Variants in ST18 observed in about 807,000 individuals in gnomAD.
ST18 encodes ST18 C2H2C-type zinc finger transcription factor.
Under a neutral mutation model 110.0 loss-of-function variants are expected in ST18, and 50 were observed. That is an observed-to-expected ratio of 0.45 (90% CI 0.36 to 0.58). ST18 has a LOEUF of 0.58. ST18 is among the 20% of genes least tolerant of loss of function. ST18 has a pLI of 0.00. For missense variants in ST18, 1,306 were observed against 1,280.1 expected, an observed-to-expected ratio of 1.02 and a Z score of -0.31; for synonymous variants, 461 against 452.4, an observed-to-expected ratio of 1.02 and a Z score of -0.24.
At chr8:52,188,036 C>T (rs535354583) in intron 8 of ST18, among the ~76,000 whole-genome samples, 13 of 152,016 alleles carry the variant, frequency 8.6e-5, no homozygotes, top group African/African-American at 1.7e-4. Context: ...TCAATAAATA[C>T]GTAATAAGTG....
At position 52,252,088 on chromosome 8, in the gene ST18, C is replaced by T. The variant is rs530639579; in HGVS notation, c.-464-22011G>A. 1.2e-3 allele frequency among the ~76,000 whole-genome samples: 183 copies of T among 152,028 alleles called. 3 individuals carry two copies. The highest frequency in any genetic ancestry group is 2.4e-3 in the Non-Finnish European group (160 of 67,902). On this transcript the variant is annotated intron_variant, in intron 2 of 25. Coordinates refer to ENST00000689386, the MANE Select transcript of ST18 (RefSeq NM_001352837.2). ...CTATTTGCAATGAACTGTTGTCAAC[C>T]TAAAGAGTTATATATTTAATAGCTA...
At chr8:52,405,535 T>C (rs1345246756) in intron 2 of ST18, 1 of 152,210 alleles carries the variant, frequency 6.6e-6, no homozygotes, top group Non-Finnish European at 1.5e-5. Flanking sequence ...TTATTCAAAT[T>C]GATTACTATT....
intron 2 of ST18, among the ~76,000 whole-genome samples, chr8:52,394,450 C>T (rs1840403529): frequency 6.6e-6 from 1 of 152,154 alleles, no homozygotes. Flanking sequence ...TTCCTTAGTC[C>T]TCCTTGTCCC....
At chr8:52,360,048 G>A (rs1482649474) in intron 2 of ST18, among the ~76,000 whole-genome samples, 1 of 152,036 alleles carries the variant, frequency 6.6e-6, no homozygotes, top group African/African-American at 2.4e-5. Flanking sequence ...TATAAAATTA[G>A]TATGAGAAAC....
At chr8:52,290,378 C>T (rs528566981) in intron 2 of ST18, among the ~76,000 whole-genome samples, 1 of 152,292 alleles carries the variant, frequency 6.6e-6, no homozygotes, top group South Asian at 2.1e-4. Context: ...CACTTTAGAC[C>T]TGCTCAGAGG....
At chr8:52,269,709 C>T (rs1364892988) in intron 2 of ST18, among the ~76,000 whole-genome samples, 3 of 152,060 alleles carry the variant, frequency 2.0e-5, no homozygotes, top group Non-Finnish European at 2.9e-5. Flanking sequence ...GGGATTATGT[C>T]GTCAAAATGG....
intron 8 of ST18, among the ~76,000 whole-genome samples, chr8:52,196,763 G>T (rs983051553): frequency 6.6e-6 from 1 of 152,166 alleles, no homozygotes; most frequent in African/African-American, 2.4e-5. Flanking sequence ...ACTAGCTGAG[G>T]TTTCAGGCAG....
chr8:52,355,678 A>C (rs1822389112), intron 2 of ST18, among the ~76,000 whole-genome samples: 1 of 152,206 alleles, frequency 6.6e-6, no homozygotes, highest in Non-Finnish European at 1.5e-5. Context: ...GCAGTAAAAG[A>C]TACCGTGTCA....
In ST18 at chr8:52,302,398, T is replaced by C. The variant is rs185092235; in HGVS notation, c.-464-72321A>G. Among the ~76,000 whole-genome samples, 12 of 152,306 alleles carry C rather than the reference T, an allele frequency of 7.9e-5. No homozygotes were observed. In the East Asian group the frequency reaches 2.3e-3, roughly 29 times the overall value. The stretch of plus-strand genomic sequence containing the variant: ...ATGTAGAAATAAATATAGATTTCAA[T>C]GGTACATGCATGCCTGTATTTATGT... On this transcript the variant is annotated intron_variant, in intron 2 of 25. Coordinates refer to ENST00000689386, the MANE Select transcript of ST18 (RefSeq NM_001352837.2).
intron 23 of ST18, among the ~76,000 whole-genome samples, chr8:52,119,987 C>T (rs1025658486): frequency 1.6e-4 from 25 of 152,164 alleles, no homozygotes; most frequent in Admixed American, 1.6e-3. Context: ...AAATATGAGT[C>T]ATCAGTATGA....
chr8:52,227,587 A>G (rs2089930434), intron 3 of ST18, among the ~76,000 whole-genome samples: 1 of 152,232 alleles, frequency 6.6e-6, no homozygotes, highest in South Asian at 2.1e-4. Context: ...CCATATTTTT[A>G]TATAGTTACA....
intron 11 of ST18, among the ~76,000 whole-genome samples, chr8:52,165,544 G>C (rs1243262004): frequency 6.6e-6 from 1 of 152,206 alleles, no homozygotes; most frequent in Non-Finnish European, 1.5e-5. Flanking sequence ...CTGGGGGATG[G>C]ATGGAGCATG....
At chr8:52,184,586 T>A (rs2071235881) in intron 8 of ST18, among the ~76,000 whole-genome samples, 1 of 152,176 alleles carries the variant, frequency 6.6e-6, no homozygotes, top group African/African-American at 2.4e-5. Flanking sequence ...ACTGGAAGTA[T>A]GTTTAGAAGT....
intron 2 of ST18, among the ~76,000 whole-genome samples, chr8:52,258,174 C>T (rs1326459290): frequency 6.6e-6 from 1 of 152,114 alleles, no homozygotes; most frequent in African/African-American, 2.4e-5. Flanking sequence ...GTCTTGATTA[C>T]TGTAGTTTTG....
chr8:52,295,701 CT>C (rs1275884839), intron 2 of ST18, among the ~76,000 whole-genome samples: 3 of 93,020 alleles, frequency 3.2e-5, no homozygotes, highest in East Asian at 3.5e-4. Flanking sequence ...AAGAGCTTCT[CT>C]TTTTTTCCTT....
chr8:52,357,678 T>TAA (rs1312046867), intron 2 of ST18, among the ~76,000 whole-genome samples: 34 of 8,304 alleles, frequency 4.1e-3, no homozygotes, highest in African/African-American at 0.014. Flanking sequence ...AATCTATAAA[T>TAA]ATATATATAT....
chr8:52,345,481 T>G (rs1298430489), intron 2 of ST18, among the ~76,000 whole-genome samples: 5 of 152,254 alleles, frequency 3.3e-5, no homozygotes. Flanking sequence ...CAGAAGGTTC[T>G]GTTAAGAGGC....
chr8:52,164,074 T>C lies in ST18; in HGVS notation c.1312A>G (p.Ile438Val), dbSNP rs752044595. Residue 438 changes from isoleucine (I) to valine (V), a missense_variant, in exon 13 of 26, where the codon ATT becomes GTT. Physicochemically the swap from Ile to Val is conservative, Grantham distance 29 (BLOSUM62 3). Transcript: ENST00000689386. ...ATTGCCAATTTTTCAGCTGCAGCAA[T>C]TGGACAACCAGAAAGACTGTTTAAA... ...NTHRSLSGCPIAAAEKLAMSQ... is the reference protein window; with the variant it reads ...NTHRSLSGCPVAAAEKLAMSQ... 44 of 1,613,920 alleles carry C rather than the reference T, an allele frequency of 2.7e-5. No individual in the cohort carries two copies. The highest frequency in any genetic ancestry group is 3.6e-5 in the Non-Finnish European group (42 of 1,179,930).
chr8:52,359,082 A>G (rs1824488540), intron 2 of ST18, among the ~76,000 whole-genome samples: 1 of 151,922 alleles, frequency 6.6e-6, no homozygotes, highest in South Asian at 2.1e-4. Flanking sequence ...TATGTGAACA[A>G]TCAATCAACT....
Sources: gnomAD v4.1 joint callset for allele counts (sites outside exome capture counted in the v4.1 genomes callset) on GRCh38, gnomAD v4.1.1 for gene constraint, MANE v1.5 for transcripts, NCBI Gene and HGNC (gene_info 2026-07-23, HGNC 2026-07-21) for gene names.